Variants in USF3 observed in about 807,000 individuals in gnomAD.
USF3 encodes the protein basic helix-loop-helix domain-containing protein USF3.
In USF3, 29 loss-of-function variants were observed where a neutral mutation model predicts 157.5. The observed-to-expected ratio is 0.18, with a 90% CI of 0.14 to 0.25. The LOEUF (loss-of-function observed/expected upper bound fraction) is 0.25, where lower values mean the gene tolerates loss of function less well. USF3 is among the 10% of genes least tolerant of loss of function. The probability of loss-of-function intolerance (pLI) is 1.00; values close to 1 mark genes in which losing one functional copy is unlikely to be tolerated. For synonymous variants in USF3, 893 were observed against 941.4 expected (o/e 0.95, Z 0.94); for missense variants, 2,381 against 2,667.6 (o/e 0.89, Z 2.37).
chr3:113,680,337 G>A (rs1307420177), intron 1 of USF3, among the ~76,000 whole-genome samples: 1 of 151,990 alleles, frequency 6.6e-6, no homozygotes, highest in East Asian at 1.9e-4. Flanking sequence ...TAGGTTGTAT[G>A]TGTCTAGGAA....
chr3:113,665,793 A>G (rs900415032), intron 5 of USF3, among the ~76,000 whole-genome samples: 1 of 152,188 alleles, frequency 6.6e-6, no homozygotes, highest in Non-Finnish European at 1.5e-5. Flanking sequence ...CTGCCACTGC[A>G]CTCCAGCTTG....
Position 113,660,085 on chromosome 3 carries a change from T to G in USF3, c.1597A>C (p.Ile533Leu), listed in dbSNP as rs775674553. 6.2e-7 allele frequency: 1 copy of G among 1,614,204 alleles called. No individual in the cohort carries two copies. Among genetic ancestry groups the G allele is most frequent in the Non-Finnish European group, 8.5e-7 (1 of 1,180,036 alleles). Reference sequence around the variant, plus strand: ...GACCCAACTGGCTGAGCCATCTGAATCACTTGCATTGCTGAATTCAGTGGA... The same window carrying G: ...GACCCAACTGGCTGAGCCATCTGAAGCACTTGCATTGCTGAATTCAGTGGA... Reference protein sequence around the residue: ...ILPLNSAMQVIQMAQPVGSAV... With the variant: ...ILPLNSAMQVLQMAQPVGSAV... Residue 533 changes from isoleucine (I) to leucine (L), a missense_variant, in exon 7 of 7, where the codon ATT becomes CTT. Ile to Leu is a conservative substitution (Grantham distance 5). This residue lies in a region of USF3 where 1,435 missense variants were observed against 1,550.9 expected (regional missense o/e 0.93). Transcript: ENST00000316407.
At position 113,658,073 on chromosome 3, in the gene USF3, T is replaced by C. The variant is rs762413043; in HGVS notation, c.3609A>G (p.Glu1203=). The change falls in exon 7 of 7, where the codon GAA becomes GAG. Residue 1203 remains glutamate, a synonymous_variant. Coordinates refer to ENST00000316407, the MANE Select transcript of USF3 (RefSeq NM_001009899.4). ...PNEFNSQGSI[E]ATMERPLEKP... ...TCTCAAGGGGCCTCTCCATAGTTGC[T>C]TCAATTGAACCCTGAGAATTAAATT... 6.2e-7 allele frequency: 1 copy of C among 1,614,222 alleles called. No individual in the cohort carries two copies. The highest frequency in any genetic ancestry group is 1.7e-5 in the Admixed American group (1 of 60,030).
chr3:113,661,806 C>G (rs1390011005), intron 6 of USF3, among the ~76,000 whole-genome samples: 1 of 152,192 alleles, frequency 6.6e-6, no homozygotes, highest in Non-Finnish European at 1.5e-5. Flanking sequence ...AATGCTGCAG[C>G]AGCCAACATT....
chr3:113,693,248 G>A lies in USF3; in HGVS notation c.-135+3122C>T, dbSNP rs375711995. Reference sequence around the variant, plus strand: ...TAAAAAGAACACATTTCCTATGTTAGTGGAGTTCTATTTCTGCCATGTTGC... The same window carrying A: ...TAAAAAGAACACATTTCCTATGTTAATGGAGTTCTATTTCTGCCATGTTGC... On this transcript the variant is annotated intron_variant, in intron 1 of 6. Coordinates refer to ENST00000316407, the MANE Select transcript of USF3 (RefSeq NM_001009899.4). Among the ~76,000 whole-genome samples, 78 of 152,270 alleles carry A rather than the reference G, an allele frequency of 5.1e-4. No individual in the cohort carries two copies. The South Asian group carries it at 0.015, about 30-fold the overall frequency.
At position 113,658,765 on chromosome 3, in the gene USF3, C is replaced by A. The variant is rs760511392; in HGVS notation, c.2917G>T (p.Val973Phe). 18 of 1,613,954 alleles carry A rather than the reference C, an allele frequency of 1.1e-5. No individual in the cohort carries two copies. The highest frequency in any genetic ancestry group is 1.5e-5 in the Non-Finnish European group (18 of 1,180,016). The change falls in exon 7 of 7, where the codon GTT (valine) becomes TTT (phenylalanine). Residue 973 changes from valine to phenylalanine, a missense_variant. Transcript: ENST00000316407. ...TCAGCAATGATTTCTACCTCAGAAA[C>A]ACAGTCAGTACTTGTAGTGCTTGTT... is the stretch of plus-strand genomic sequence containing the variant. ...STTSTTSTDC[V>F]SEVEIIAEPC...
rs1459495369 is a variant in USF3, at chr3:113,650,935, T to TA, written c.*4008dup. On this transcript the variant is annotated 3_prime_UTR_variant, in exon 7 of 7. Transcript: ENST00000316407. ...CCATCTCTGGTACCGCAAAAGGTCT[T>TA]ACAATAAAAACAAAAATAAATTTCC... 1 of 152,094 alleles carries TA rather than the reference T, an allele frequency of 6.6e-6. No homozygotes were observed. The highest frequency in any genetic ancestry group is 1.5e-5 in the Non-Finnish European group (1 of 68,020). The allele number at this position is 152,094 out of a possible 1,614,324, so 9.4% of individuals were successfully genotyped here.
At chr3:113,688,866 C>A (rs1050334253) in intron 1 of USF3, among the ~76,000 whole-genome samples, 5 of 152,094 alleles carry the variant, frequency 3.3e-5, no homozygotes, top group African/African-American at 9.6e-5. Context: ...TGGTGAAACC[C>A]CGTCTCTACT....
chr3:113,671,302 C>T (rs1165685736), intron 4 of USF3, among the ~76,000 whole-genome samples: 1 of 152,052 alleles, frequency 6.6e-6, no homozygotes, highest in Non-Finnish European at 1.5e-5. Flanking sequence ...GACTACTGGG[C>T]CTTTTTGGAA....
chr3:113,655,172 A>G lies in USF3; in HGVS notation c.6510T>C (p.Pro2170=), dbSNP rs748542546. ...GCATTGGTGGCATATCTGGGAGAAG[A>G]GGAAAACTTGGTTGAGCAAACCCAA... ...RPVGFAQPSF[P]LLPDMPPMHM... is the part of the protein sequence containing the mutation. Residue 2170 remains proline (P), a synonymous_variant, in exon 7 of 7, where the codon CCT becomes CCC. Transcript: ENST00000316407. 1.2e-6 allele frequency: 2 copies of G among 1,614,240 alleles called. No individual in the cohort carries two copies. Among genetic ancestry groups the G allele is most frequent in the Admixed American group, 1.7e-5 (1 of 60,020 alleles).
In USF3 at chr3:113,660,177, G is replaced by A; in HGVS notation, c.1505C>T (p.Pro502Leu). ...AATTAGTGGCTGCATAGGTAAAGATGGACAAGAAGGCAATGTTACAACTAC... is the reference window on the plus strand; with the variant it reads ...AATTAGTGGCTGCATAGGTAAAGATAGACAAGAAGGCAATGTTACAACTAC... ...EQVVVTLPSC[P>L]SLPMQPLIAQ... is the part of the protein sequence containing the mutation. Residue 502 changes from proline to leucine, a missense_variant, in exon 7 of 7, where the codon CCA (proline) becomes CTA (leucine). Pro to Leu is a moderately conservative substitution (Grantham distance 98). Around this residue, in one of 6 missense-constraint regions of USF3, gnomAD observed 1,435 missense variants for 1,550.9 expected, o/e 0.93. Transcript: ENST00000316407. The A allele has an allele frequency of 6.2e-7, 1 of 1,614,110 alleles. No individual in the cohort carries two copies. Among genetic ancestry groups the A allele is most frequent in the Non-Finnish European group, 8.5e-7 (1 of 1,179,996 alleles).
intron 5 of USF3, among the ~76,000 whole-genome samples, chr3:113,668,993 T>C (rs912040312): frequency 6.6e-6 from 1 of 152,092 alleles, no homozygotes; most frequent in Non-Finnish European, 1.5e-5. Context: ...TAAGAGATGG[T>C]TGGAAGTATC....
At position 113,660,158 on chromosome 3, in the gene USF3, T is replaced by C. The variant is rs369844625; in HGVS notation, c.1524A>G (p.Pro508=). The part of the protein sequence containing the change: ...LPSCPSLPMQ[P]LIAQPQVKSQ... ...ATTTAACTTGTGGCTGGGCAATTAG[T>C]GGCTGCATAGGTAAAGATGGACAAG... Residue 508 remains proline (P), a synonymous_variant, in exon 7 of 7, where the codon CCA becomes CCG. Transcript: ENST00000316407. 1 of 1,614,044 alleles carries C rather than the reference T, an allele frequency of 6.2e-7. No homozygotes were observed. The highest frequency in any genetic ancestry group is 8.5e-7 in the Non-Finnish European group (1 of 1,180,024).
intron 1 of USF3, among the ~76,000 whole-genome samples, chr3:113,685,255 G>A (rs1021766165): frequency 2.0e-5 from 3 of 152,128 alleles, no homozygotes; most frequent in Admixed American, 2.0e-4. Context: ...ATGGAGTCAC[G>A]CAATGCTCCT....
Position 113,655,560 on chromosome 3 carries a change from A to T in USF3, c.6122T>A (p.Met2041Lys). 6.2e-7 allele frequency: 1 copy of T among 1,614,216 alleles called. No homozygotes were observed. The highest frequency in any genetic ancestry group is 8.5e-7 in the Non-Finnish European group (1 of 1,180,038). Residue 2041 changes from methionine (M) to lysine (K), a missense_variant, in exon 7 of 7, where the codon ATG becomes AAG. By Grantham distance (95) the Met-to-Lys change is moderately conservative. Transcript: ENST00000316407. ...TEKRGSIVRF[M>K]PDSPQVPNDN... Reference sequence around the variant, plus strand: ...ATTAGGTACTTGTGGGCTATCAGGCATGAAACGAACAATACTTCCTCTCTT... The same window carrying T: ...ATTAGGTACTTGTGGGCTATCAGGCTTGAAACGAACAATACTTCCTCTCTT...
rs1271286248 is a variant in USF3, at chr3:113,653,066, AAAG to A, written c.*1875_*1877del. 3.9e-4 allele frequency: 124 copies of A among 321,626 alleles called. No homozygotes were observed. In the East Asian group the frequency reaches 8.4e-3, roughly 22 times the overall value. 19.9% of individuals were successfully genotyped at this position (321,626 alleles called of 1,614,324 possible). On this transcript the variant is annotated 3_prime_UTR_variant, in exon 7 of 7. Coordinates refer to ENST00000316407, the MANE Select transcript of USF3 (RefSeq NM_001009899.4). ...GTGACAGAGTCTCAAAAAAAAAAGA[AAAG>A]AAGAAAGAAAAGAAAAGCTGGTCCT...
rs1443893275 is a variant in USF3, at chr3:113,652,498, T to G, written c.*2446A>C. ...AGAAAAAAAAAAATATTGTATATTT[T>G]TTTGTCCCTAGGAAGCTGCTTAGTT... On this transcript the variant is annotated 3_prime_UTR_variant, in exon 7 of 7. Coordinates refer to ENST00000316407, the MANE Select transcript of USF3 (RefSeq NM_001009899.4). 1 of 151,846 alleles carries G rather than the reference T, an allele frequency of 6.6e-6. No individual in the cohort carries two copies. The highest frequency in any genetic ancestry group is 1.5e-5 in the Non-Finnish European group (1 of 68,008). 9.4% of individuals were successfully genotyped at this position (151,846 alleles called of 1,614,324 possible).
At position 113,696,383 on chromosome 3, in the gene USF3, G is replaced by A. The variant is rs1468619105; in HGVS notation, c.-148C>T. ...GCAGTCACTTACCCGCCGGCTGCGC[G>A]GTCTCGGCCGCGGTGGCGGCGGCGA... On this transcript the variant is annotated 5_prime_UTR_variant, in exon 1 of 7. Coordinates refer to ENST00000316407, the MANE Select transcript of USF3 (RefSeq NM_001009899.4). The A allele has an allele frequency of 6.7e-6, 1 of 149,030 alleles. No homozygotes were observed. Among genetic ancestry groups the A allele is most frequent in the East Asian group, 2.0e-4 (1 of 4,908 alleles). The allele number at this position is 149,030 out of a possible 1,614,324, so 9.2% of individuals were successfully genotyped here.
Position 113,654,007 on chromosome 3 carries a change from C to CTGATCAA in USF3, c.*930_*936dup, listed in dbSNP as rs1464657753. ...ACGTGTAGATTACAAACACTATTTCCTGATCAATCCTAATATTTAAATGAA... is the reference window on the plus strand; with the variant it reads ...ACGTGTAGATTACAAACACTATTTCCTGATCAATGATCAATCCTAATATTTAAATGAA... On this transcript the variant is annotated 3_prime_UTR_variant, in exon 7 of 7. Coordinates refer to ENST00000316407, the MANE Select transcript of USF3 (RefSeq NM_001009899.4). The CTGATCAA allele has an allele frequency of 6.6e-6, 1 of 151,820 alleles. No homozygotes were observed. Among genetic ancestry groups the CTGATCAA allele is most frequent in the African/African-American group, 2.4e-5 (1 of 41,312 alleles). The allele number at this position is 151,820 out of a possible 1,614,324, so 9.4% of individuals were successfully genotyped here.
Sources: gnomAD v4.1 joint callset for allele counts (sites outside exome capture counted in the v4.1 genomes callset) on GRCh38, gnomAD v4.1.1 for gene constraint, gnomAD v4.1.1 regional missense constraint, MANE v1.5 for transcripts, NCBI Gene and HGNC (gene_info 2026-07-23, HGNC 2026-07-21) for gene names.